SMR3B: variants seen among roughly 807,000 people sequenced by gnomAD.
SMR3B encodes submaxillary gland androgen-regulated protein 3B.
For missense variants in SMR3B, 114 were observed against 99.9 expected, an observed-to-expected ratio of 1.14 and a Z score of -0.60; for synonymous variants, 42 against 36.1, an observed-to-expected ratio of 1.16 and a Z score of -0.59.
At chr4:70,383,672 GA>G (rs1732597669) in intron 1 of SMR3B, among the ~76,000 whole-genome samples, 1 of 152,146 alleles carries the variant, frequency 6.6e-6, no homozygotes, top group South Asian at 2.1e-4. Context: ...AATATCCAGT[GA>G]AATTTTGTCC....
chr4:70,384,693 GT>G, intron 2 of SMR3B, 129 bp downstream of exon 2: 1 of 1,506,336 alleles, frequency 6.6e-7, no homozygotes, highest in Non-Finnish European at 8.9e-7. Flanking sequence ...ATGAAACACT[GT>G]TTAGGGCTTA....
At position 70,389,800 on chromosome 4, in the gene SMR3B, C is replaced by T. The variant is rs749622725; in HGVS notation, c.192C>T (p.Pro64=). 43 of 1,613,658 alleles carry T rather than the reference C, an allele frequency of 2.7e-5. No homozygotes were observed. Among genetic ancestry groups the T allele is most frequent in the Middle Eastern group, 3.3e-4 (2 of 6,080 alleles). Residue 64 remains proline, a synonymous_variant, in exon 3 of 3, where the codon CCC becomes CCT. Transcript: ENST00000304915. Reference sequence around the variant, plus strand: ...CAGGGAGAATCCCACCTCCTCCTCCCGCACCCTATGGTCCAGGGATATTTC... The same window carrying T: ...CAGGGAGAATCCCACCTCCTCCTCCTGCACCCTATGGTCCAGGGATATTTC... ...YGPGRIPPPP[P]APYGPGIFPP... is the part of the protein sequence containing the mutation.
chr4:70,384,592 TC>T (rs1732624452), intron 2 of SMR3B, 28 bp downstream of exon 2: 1 of 1,563,480 alleles, frequency 6.4e-7, no homozygotes, highest in African/African-American at 1.4e-5. Flanking sequence ...CGATCACACT[TC>T]TTTATAGTTT....
chr4:70,389,812 T>C lies in SMR3B; in HGVS notation c.204T>C (p.Gly68=). Residue 68 remains glycine (G), a synonymous_variant, in exon 3 of 3, where the codon GGT becomes GGC. Transcript: ENST00000304915. ...CACCTCCTCCTCCCGCACCCTATGGTCCAGGGATATTTCCACCACCCCCTC... is the reference window on the plus strand; with the variant it reads ...CACCTCCTCCTCCCGCACCCTATGGCCCAGGGATATTTCCACCACCCCCTC... The part of the protein sequence containing the change: ...RIPPPPPAPY[G]PGIFPPPPPQ... The C allele has an allele frequency of 1.2e-6, 2 of 1,613,724 alleles. No individual in the cohort carries two copies. Among genetic ancestry groups the C allele is most frequent in the Non-Finnish European group, 1.7e-6 (2 of 1,179,906 alleles).
At chr4:70,384,739 CA>C in intron 2 of SMR3B, 175 bp downstream of exon 2, 1 of 1,301,706 alleles carries the variant, frequency 7.7e-7, no homozygotes, top group Non-Finnish European at 1.0e-6. Context: ...AATAACCACA[CA>C]TGTCTGATGG....
At chr4:70,389,452 C>T (rs1036946829) in intron 2 of SMR3B, among the ~76,000 whole-genome samples, 23 of 152,142 alleles carry the variant, frequency 1.5e-4, no homozygotes, top group Non-Finnish European at 3.1e-4. Context: ...AAAACATTTA[C>T]TGCAGCTTCA....
intron 2 of SMR3B, among the ~76,000 whole-genome samples, chr4:70,389,018 A>C (rs1238349405): frequency 2.0e-5 from 3 of 152,196 alleles, no homozygotes; most frequent in Non-Finnish European, 4.4e-5. Context: ...GAGCCTACGT[A>C]TTCAGAAAGC....
At chr4:70,383,768 A>G (rs1190385017) in intron 1 of SMR3B, among the ~76,000 whole-genome samples, 1 of 152,144 alleles carries the variant, frequency 6.6e-6, no homozygotes, top group Non-Finnish European at 1.5e-5. Context: ...AATTTGCACC[A>G]TGGTGTATGG....
Position 70,390,017 on chromosome 4 carries a change from A to G in SMR3B, c.*169A>G. On this transcript the variant is annotated 3_prime_UTR_variant, in exon 3 of 3. Transcript: ENST00000304915. ...TGCAGCAGGTGCCACCACCACCACAAAAGACACCACTACCCTTGTAACTAC... is the reference window on the plus strand; with the variant it reads ...TGCAGCAGGTGCCACCACCACCACAGAAGACACCACTACCCTTGTAACTAC... 1 of 1,300,734 alleles carries G rather than the reference A, an allele frequency of 7.7e-7. No individual in the cohort carries two copies. Among genetic ancestry groups the G allele is most frequent in the Non-Finnish European group, 1.1e-6 (1 of 896,694 alleles). 80.6% of individuals were successfully genotyped at this position (1,300,734 alleles called of 1,614,324 possible). A position where few individuals can be genotyped will look rare whatever the true frequency, so the allele number is the denominator to read the frequency against.
chr4:70,387,092 T>C (rs1732678815), intron 2 of SMR3B, among the ~76,000 whole-genome samples: 1 of 152,166 alleles, frequency 6.6e-6, no homozygotes, highest in Non-Finnish European at 1.5e-5. Context: ...TTGGCAAATC[T>C]AGAATACCCT....
chr4:70,385,846 T>C (rs1732654990), intron 2 of SMR3B, among the ~76,000 whole-genome samples: 1 of 152,136 alleles, frequency 6.6e-6, no homozygotes, highest in Admixed American at 6.5e-5. Context: ...TTAAAGGTAA[T>C]ATCTTAATGG....
intron 2 of SMR3B, chr4:70,384,855 C>G (rs1732631480): frequency 3.4e-6 from 1 of 297,364 alleles, no homozygotes; most frequent in Non-Finnish European, 6.0e-6. Context: ...AGGTAAAACT[C>G]TATAAAAATA....
In SMR3B at chr4:70,389,898, G is replaced by A. The variant is rs568164462; in HGVS notation, c.*50G>A. The A allele has an allele frequency of 9.1e-5, 146 of 1,609,488 alleles. 2 individuals carry two copies. In the South Asian group the frequency reaches 1.1e-3, roughly 13 times the overall value. ...CCAGGTTATCCACAGCCTCCTTCCCGACCAAGACCCTATCCACCTGGACCT... is the reference window on the plus strand; with the variant it reads ...CCAGGTTATCCACAGCCTCCTTCCCAACCAAGACCCTATCCACCTGGACCT... On this transcript the variant is annotated 3_prime_UTR_variant, in exon 3 of 3. Transcript: ENST00000304915.
intron 2 of SMR3B, among the ~76,000 whole-genome samples, chr4:70,386,804 A>T (rs1732674318): frequency 6.6e-6 from 1 of 152,182 alleles, no homozygotes; most frequent in Non-Finnish European, 1.5e-5. Context: ...AAGTGAATGG[A>T]GTATTTTCCC....
chr4:70,384,379 C>T, intron 1 of SMR3B, 118 bp from the exon 2 acceptor site: 1 of 1,495,110 alleles, frequency 6.7e-7, no homozygotes, highest in South Asian at 1.4e-5. Context: ...TAGGCAAATT[C>T]CCTAAAAATG....
At chr4:70,384,934 C>G in intron 2 of SMR3B, 1 of 172,764 alleles carries the variant, frequency 5.8e-6, no homozygotes, top group Non-Finnish European at 1.2e-5. Context: ...TCACCTAACT[C>G]ACTTATTAAA....
At chr4:70,384,820 C>A in intron 2 of SMR3B, 1 of 492,198 alleles carries the variant, frequency 2.0e-6, no homozygotes, top group Non-Finnish European at 3.3e-6. Flanking sequence ...ATGTTAAGTT[C>A]CCATACTCTA....
intron 1 of SMR3B, among the ~76,000 whole-genome samples, chr4:70,383,471 C>A (rs766273494): frequency 6.6e-6 from 1 of 152,110 alleles, no homozygotes; most frequent in African/African-American, 2.4e-5. Context: ...ATTGACTTTT[C>A]CTCCTGATGT....
At chr4:70,388,941 G>A (rs1732711571) in intron 2 of SMR3B, among the ~76,000 whole-genome samples, 1 of 152,122 alleles carries the variant, frequency 6.6e-6, no homozygotes, top group South Asian at 2.1e-4. Context: ...TTCGACTATA[G>A]GCAAAGGATA....
Sources: allele counts gnomAD v4.1 joint callset (sites outside exome capture counted in the v4.1 genomes callset), GRCh38; gene constraint gnomAD v4.1.1; transcripts MANE v1.5; gene names NCBI Gene and HGNC (gene_info 2026-07-23, HGNC 2026-07-21).